ARHGEF33: variants seen among roughly 807,000 people sequenced by gnomAD.
ARHGEF33 encodes the protein Rho guanine nucleotide exchange factor 33, also known as DH and coiled-coil domain-containing protein ENSP00000381780.
ARHGEF33 carries 72 observed loss-of-function variants against 101.9 expected under a neutral mutation model. That is an observed-to-expected ratio of 0.71 (90% CI 0.58 to 0.86). The LOEUF (loss-of-function observed/expected upper bound fraction) is 0.86, where lower values mean the gene tolerates loss of function less well. Ranked by LOEUF, ARHGEF33 falls within the 40% of genes least tolerant of loss-of-function variation. ARHGEF33 has a pLI of 0.00. For synonymous variants in ARHGEF33, 499 were observed against 442.5 expected, an observed-to-expected ratio of 1.13 and a Z score of -1.60; for missense variants, 1,169 against 1,111.3, an observed-to-expected ratio of 1.05 and a Z score of -0.74.
chr2:38,924,272 G>A (rs1028247664), intron 4 of ARHGEF33, among the ~76,000 whole-genome samples: 7 of 152,190 alleles, frequency 4.6e-5, no homozygotes, highest in African/African-American at 1.7e-4. Context: ...TCTGGTGAAT[G>A]TGTGTAATTG....
At chr2:38,958,004 A>G (rs1382811987) in intron 14 of ARHGEF33, 30 bp from the exon 15 acceptor site, 1 of 1,551,766 alleles carries the variant, frequency 6.4e-7, no homozygotes, top group Admixed American at 2.0e-5. Context: ...CCACTGTACA[A>G]CCTGAGAACT....
Position 38,919,475 on chromosome 2 carries a change from C to T in ARHGEF33, c.25+3C>T. On this transcript the variant is annotated splice_donor_region_variant and intron_variant, in intron 3 of 17. Transcript: ENST00000409978. ...GGAAAAAACCAAAACAAAGCAAGGT[C>T]AGATTTTTCCTATGTCTTGCTTTAG... The T allele has an allele frequency of 6.4e-7, 1 of 1,551,708 alleles. No individual in the cohort carries two copies. The highest frequency in any genetic ancestry group is 8.7e-7 in the Non-Finnish European group (1 of 1,146,884).
At chr2:38,936,982 A>G (rs959089175) in intron 8 of ARHGEF33, 3 of 150,596 alleles carry the variant, frequency 2.0e-5, no homozygotes, top group African/African-American at 7.4e-5. Context: ...GTCTCAAAAA[A>G]AAAAAAGTAA....
In ARHGEF33 at chr2:38,960,159, C is replaced by T. The variant is rs1307769130; in HGVS notation, c.1854C>T (p.Tyr618=). The change falls in exon 16 of 18, where the codon TAC becomes TAT. Residue 618 remains tyrosine, a synonymous_variant. Transcript: ENST00000409978. ...CCGCGGCCTACGAAGAGTTCGAGTA[C>T]GGCGGCGAGATCTTCGCGCTGCCCG... ...FVPAAYEEFE[Y]GGEIFALPAP... is the part of the protein sequence containing the mutation. 2.3e-5 allele frequency: 35 copies of T among 1,542,452 alleles called. No individual in the cohort carries two copies. The highest frequency in any genetic ancestry group is 2.9e-5 in the Non-Finnish European group (33 of 1,145,066).
At chr2:38,971,022 C>T (rs2124434000) in intron 17 of ARHGEF33, among the ~76,000 whole-genome samples, 1 of 152,272 alleles carries the variant, frequency 6.6e-6, no homozygotes, top group Admixed American at 6.5e-5. Flanking sequence ...CTTTGATTAC[C>T]AGGGCTGACT....
chr2:38,965,340 A>G (rs1056163114), intron 16 of ARHGEF33, among the ~76,000 whole-genome samples: 2 of 152,240 alleles, frequency 1.3e-5, no homozygotes, highest in African/African-American at 4.8e-5. Flanking sequence ...ACACTTAGAA[A>G]AAACTAGAGA....
At chr2:38,891,131 G>A (rs897490225) in intron 1 of ARHGEF33, among the ~76,000 whole-genome samples, 4 of 151,808 alleles carry the variant, frequency 2.6e-5, no homozygotes, top group East Asian at 1.9e-4. Context: ...ATGGGGTTTC[G>A]TCATGTTGCT....
chr2:38,959,802 G>GT (rs758861437), intron 15 of ARHGEF33, 39 bp from the exon 16 acceptor site: 130 of 1,495,486 alleles, frequency 8.7e-5, no homozygotes, highest in Non-Finnish European at 1.1e-4. Flanking sequence ...CTAACCGGCC[G>GT]TAAGCACAGC....
chr2:38,906,274 T>A (rs766126388), intron 2 of ARHGEF33, among the ~76,000 whole-genome samples: 3 of 151,810 alleles, frequency 2.0e-5, no homozygotes, highest in Non-Finnish European at 4.4e-5. Context: ...TGTAATTCAG[T>A]TTGGAGGTAG....
intron 9 of ARHGEF33, among the ~76,000 whole-genome samples, chr2:38,941,972 A>G (rs1667320858): frequency 6.6e-6 from 1 of 150,518 alleles, no homozygotes; most frequent in African/African-American, 2.4e-5. Flanking sequence ...GCTGGGCACA[A>G]GGGTCCTTTT....
At chr2:38,910,491 A>G (rs1572743336) in intron 2 of ARHGEF33, among the ~76,000 whole-genome samples, 1 of 152,014 alleles carries the variant, frequency 6.6e-6, no homozygotes, top group East Asian at 1.9e-4. Flanking sequence ...AATTGCTTGA[A>G]CCCGGGAGGC....
In ARHGEF33 at chr2:38,960,212, C is replaced by T. The variant is rs747183325; in HGVS notation, c.1907C>T (p.Ala636Val). Reference protein sequence around the residue: ...PAPYDEEPFQAPALFENCSPA... With the variant: ...PAPYDEEPFQVPALFENCSPA... Reference sequence around the variant, plus strand: ...CCCTACGACGAGGAGCCGTTCCAGGCTCCGGCCCTCTTCGAGAACTGCTCG... The same window carrying T: ...CCCTACGACGAGGAGCCGTTCCAGGTTCCGGCCCTCTTCGAGAACTGCTCG... The change falls in exon 16 of 18, where the codon GCT becomes GTT. Residue 636 changes from alanine to valine, a missense_variant. Ala to Val is a moderately conservative substitution (Grantham distance 64). Transcript: ENST00000409978. 1.3e-6 allele frequency: 2 copies of T among 1,546,614 alleles called. No individual in the cohort carries two copies.
chr2:38,904,091 G>A (rs1018602305), intron 2 of ARHGEF33, among the ~76,000 whole-genome samples: 9 of 152,188 alleles, frequency 5.9e-5, no homozygotes, highest in South Asian at 4.1e-4. Flanking sequence ...ATGAATAACA[G>A]TAGAAAAATT....
chr2:38,907,714 G>A (rs1232752805), intron 2 of ARHGEF33, among the ~76,000 whole-genome samples: 2 of 152,190 alleles, frequency 1.3e-5, no homozygotes, highest in Non-Finnish European at 2.9e-5. Flanking sequence ...TTTCCCAGGA[G>A]AGCACTCTTG....
intron 17 of ARHGEF33, among the ~76,000 whole-genome samples, chr2:38,966,351 C>T (rs1212766249): frequency 6.6e-6 from 1 of 152,202 alleles, no homozygotes; most frequent in East Asian, 1.9e-4. Flanking sequence ...GCTCTCTGCC[C>T]TGCCTCTTCT....
intron 2 of ARHGEF33, among the ~76,000 whole-genome samples, chr2:38,901,349 T>C (rs1399013761): frequency 3.9e-5 from 6 of 152,174 alleles, no homozygotes; most frequent in Non-Finnish European, 7.4e-5. Context: ...ACACCAACTT[T>C]AGGCCCAGAG....
In ARHGEF33 at chr2:38,960,283, G is replaced by A. The variant is rs1434975702; in HGVS notation, c.1978G>A (p.Val660Ile). The change falls in exon 16 of 18, where the codon GTC (valine) becomes ATC (isoleucine). Residue 660 changes from valine to isoleucine, a missense_variant. Val to Ile is a conservative substitution (Grantham distance 29, BLOSUM62 3). Coordinates refer to ENST00000409978, the MANE Select transcript of ARHGEF33 (RefSeq NM_001145451.5). ...CCTGGACATCTGCTTCCTGCGGCCC[G>A]TCAGCTTCGCCATGGAGGCCGAGCG... ...SSLDICFLRPVSFAMEAERPE... is the reference protein window; with the variant it reads ...SSLDICFLRPISFAMEAERPE... 5.2e-6 allele frequency: 8 copies of A among 1,546,924 alleles called. No homozygotes were observed. The highest frequency in any genetic ancestry group is 1.4e-5 in the African/African-American group (1 of 72,840).
rs541319945 is a variant in ARHGEF33, at chr2:38,929,157, G to A, written c.240+86G>A. The A allele has an allele frequency of 5.4e-4, 569 of 1,058,666 alleles. 1 individual carries two copies. The African/African-American group carries it at 7.7e-3, about 14-fold the overall frequency. 65.6% of individuals were successfully genotyped at this position (1,058,666 alleles called of 1,614,324 possible). A position where few individuals can be genotyped will look rare whatever the true frequency, so the allele number is the denominator to read the frequency against. On this transcript the variant is annotated intron_variant, in intron 5 of 17. Coordinates refer to ENST00000409978, the MANE Select transcript of ARHGEF33 (RefSeq NM_001145451.5). ...AAAACTTGCCTTTTTCTGGCTGGGC[G>A]TGGTGGCTCACGCCTGTAATCCCAG...
chr2:38,900,970 T>C (rs1666225867), intron 2 of ARHGEF33, among the ~76,000 whole-genome samples: 1 of 152,040 alleles, frequency 6.6e-6, no homozygotes, highest in Non-Finnish European at 1.5e-5. Context: ...CTGGCTACAC[T>C]GCTCAGCAAA....
Sources: gnomAD v4.1 joint callset for allele counts (sites outside exome capture counted in the v4.1 genomes callset) on GRCh38, gnomAD v4.1.1 for gene constraint, MANE v1.5 for transcripts, NCBI Gene and HGNC (gene_info 2026-07-23, HGNC 2026-07-21) for gene names.